Variants in FARS2 observed in about 807,000 individuals in gnomAD.
FARS2 encodes phenylalanine--tRNA ligase, mitochondrial.
A neutral mutation model predicts 46.4 loss-of-function variants in FARS2; 40 were observed. The ratio of observed to expected loss-of-function variants is 0.86; its 90% CI spans 0.67 to 1.12. The LOEUF is 1.12. Ranked by LOEUF, FARS2 falls within the 50% of genes most tolerant of loss-of-function variation. The pLI, the probability that FARS2 is intolerant of heterozygous loss-of-function variation, is 0.00. For missense variants in FARS2, 513 were observed against 567.9 expected (o/e 0.90, Z 0.98); for synonymous variants, 234 against 214.9 (o/e 1.09, Z -0.78).
In FARS2 at chr6:5,491,879, A is replaced by G. The variant is rs1057102054; in HGVS notation, c.905-53301A>G. On this transcript the variant is annotated intron_variant, in intron 4 of 6. Coordinates refer to ENST00000274680, the MANE Select transcript of FARS2 (RefSeq NM_006567.5). Reference sequence around the variant, plus strand: ...ATCCAGTCAAATTAGCAGAATTTTCATAACACCTACCTCACGGTGCTATTG... The same window carrying G: ...ATCCAGTCAAATTAGCAGAATTTTCGTAACACCTACCTCACGGTGCTATTG... Among the ~76,000 whole-genome samples the G allele has an allele frequency of 7.9e-5, 12 of 152,176 alleles. No individual in the cohort carries two copies. In the East Asian group the frequency reaches 1.7e-3, roughly 22 times the overall value.
chr6:5,674,362 A>G (rs1030045787), intron 6 of FARS2, among the ~76,000 whole-genome samples: 1 of 152,060 alleles, frequency 6.6e-6, no homozygotes, highest in Non-Finnish European at 1.5e-5. Flanking sequence ...TGACATTCTT[A>G]AAAAGTTAAC....
At chr6:5,383,976 T>TG (rs142205881) in intron 2 of FARS2, among the ~76,000 whole-genome samples, 2,718 of 152,288 alleles carry the variant, frequency 0.018, 85 homozygotes, top group African/African-American at 0.062. Flanking sequence ...TCTGTCATCA[T>TG]GGCCCAGGAA....
At chr6:5,680,299 AGAGTAGCCACGGGTTAGGCAT>A (rs1561795510) in intron 6 of FARS2, among the ~76,000 whole-genome samples, 1 of 152,212 alleles carries the variant, frequency 6.6e-6, no homozygotes. Context: ...GCTGATGGTC[AGAGTAGCCACGGGTTAGGCAT>A]GAGTAGCCAT....
intron 4 of FARS2, among the ~76,000 whole-genome samples, chr6:5,460,698 A>G (rs1193314263): frequency 6.6e-6 from 1 of 152,170 alleles, no homozygotes; most frequent in African/African-American, 2.4e-5. Context: ...CTGGTGACTG[A>G]CTGCTGGAGT....
At chr6:5,761,939 C>T (rs983457150) in intron 6 of FARS2, among the ~76,000 whole-genome samples, 1 of 152,188 alleles carries the variant, frequency 6.6e-6, no homozygotes, top group East Asian at 1.9e-4. Context: ...TTGCAGCCCC[C>T]CTGCTGTGTG....
chr6:5,373,198 A>G (rs910705701), intron 2 of FARS2, among the ~76,000 whole-genome samples: 9 of 152,112 alleles, frequency 5.9e-5, no homozygotes, highest in South Asian at 2.1e-4. Flanking sequence ...AACTTCCACA[A>G]TCAAATTTAC....
chr6:5,553,311 G>A lies in FARS2; in HGVS notation c.1065+7971G>A, dbSNP rs186239884. ...TATGATACTACACTCTATCCAAGAT[G>A]ATAATACTGGTAGTTAGTAGTTAAT... is the stretch of plus-strand genomic sequence containing the variant. On this transcript the variant is annotated intron_variant, in intron 5 of 6. Coordinates refer to ENST00000274680, the MANE Select transcript of FARS2 (RefSeq NM_006567.5). Among the ~76,000 whole-genome samples, 400 of 152,332 alleles carry A rather than the reference G, an allele frequency of 2.6e-3. 1 individual carries two copies. Among genetic ancestry groups the A allele is most frequent in the African/African-American group, 8.7e-3 (363 of 41,576 alleles).
chr6:5,312,221 C>T (rs960228117), intron 1 of FARS2, among the ~76,000 whole-genome samples: 2 of 152,190 alleles, frequency 1.3e-5, no homozygotes, highest in Non-Finnish European at 2.9e-5. Context: ...TAATTCATAG[C>T]ATTCATTTAT....
At chr6:5,408,565 C>T (rs758045698) in intron 3 of FARS2, among the ~76,000 whole-genome samples, 5 of 152,146 alleles carry the variant, frequency 3.3e-5, no homozygotes, top group Admixed American at 6.5e-5. Context: ...GAACAGGTCA[C>T]GTAGCATTTC....
chr6:5,467,526 A>G (rs1405505344), intron 4 of FARS2, among the ~76,000 whole-genome samples: 6 of 152,204 alleles, frequency 3.9e-5, no homozygotes, highest in African/African-American at 1.2e-4. Context: ...TTCTTAGTCA[A>G]CGTTGCTATA....
At chr6:5,679,786 G>A (rs1778940907) in intron 6 of FARS2, among the ~76,000 whole-genome samples, 1 of 151,860 alleles carries the variant, frequency 6.6e-6, no homozygotes, top group Non-Finnish European at 1.5e-5. Context: ...TTTCCTGAGT[G>A]CCTGGTCCTC....
At chr6:5,443,418 T>C (rs1289558515) in intron 4 of FARS2, among the ~76,000 whole-genome samples, 1 of 152,258 alleles carries the variant, frequency 6.6e-6, no homozygotes, top group Non-Finnish European at 1.5e-5. Flanking sequence ...CTGTCTGCTA[T>C]GAGAAGAATA....
At chr6:5,445,394 G>A (rs2127796728) in intron 4 of FARS2, among the ~76,000 whole-genome samples, 1 of 152,184 alleles carries the variant, frequency 6.6e-6, no homozygotes, top group South Asian at 2.1e-4. Context: ...AACACAATCT[G>A]CTAAGTTATT....
At chr6:5,254,724 T>A in the FARS2 span, among the ~76,000 whole-genome samples, 3 of 152,134 alleles carry the variant, frequency 2.0e-5, no homozygotes, top group African/African-American at 7.2e-5. Flanking sequence ...CCTCTCATAC[T>A]CCAACTTGCC....
chr6:5,444,492 A>AG (rs1380052693), intron 4 of FARS2, among the ~76,000 whole-genome samples: 4 of 35,578 alleles, frequency 1.1e-4, no homozygotes, highest in African/African-American at 2.2e-4. Flanking sequence ...AAAAAAAAAA[A>AG]AGAGAGAGAG....
At chr6:5,766,983 A>G (rs1302766106) in intron 6 of FARS2, among the ~76,000 whole-genome samples, 7 of 151,424 alleles carry the variant, frequency 4.6e-5, no homozygotes, top group African/African-American at 1.5e-4. Flanking sequence ...CCATCCATGT[A>G]TCAGTACTTC....
At chr6:5,668,594 G>A (rs976313172) in intron 6 of FARS2, among the ~76,000 whole-genome samples, 1 of 151,894 alleles carries the variant, frequency 6.6e-6, no homozygotes, top group Non-Finnish European at 1.5e-5. Context: ...AGGCAAAAAT[G>A]GATGGCTTAG....
chr6:5,345,341 G>C (rs940948658), intron 1 of FARS2, among the ~76,000 whole-genome samples: 2 of 152,134 alleles, frequency 1.3e-5, no homozygotes, highest in East Asian at 3.8e-4. Context: ...AATCTTAAAG[G>C]CAAGCTGCTA....
chr6:5,601,342 A>G (rs1241883236), intron 5 of FARS2, among the ~76,000 whole-genome samples: 1 of 151,772 alleles, frequency 6.6e-6, no homozygotes, highest in Non-Finnish European at 1.5e-5. Context: ...ACCAACATGG[A>G]GAAACCCTGT....
Sources: allele counts gnomAD v4.1 joint callset (sites outside exome capture counted in the v4.1 genomes callset), GRCh38; gene constraint gnomAD v4.1.1; transcripts MANE v1.5; gene names NCBI Gene and HGNC (gene_info 2026-07-23, HGNC 2026-07-21).